The following EIF4E variants were observed in gnomAD, a reference collection of about 807,000 sequenced individuals.
EIF4E encodes eukaryotic translation initiation factor 4E, also known as eIF-4F 25 kDa subunit.
For missense variants in EIF4E, 113 were observed against 265.6 expected, an observed-to-expected ratio of 0.43 and a Z score of 3.99; for synonymous variants, 71 against 88.5, an observed-to-expected ratio of 0.80 and a Z score of 1.11.
intron 2 of EIF4E, among the ~76,000 whole-genome samples, chr4:98,900,654 A>G (rs1018463875): frequency 1.3e-5 from 2 of 152,182 alleles, no homozygotes; most frequent in African/African-American, 4.8e-5. Flanking sequence ...GATTGTTACA[A>G]TGTTTCTGAA....
intron 1 of EIF4E, among the ~76,000 whole-genome samples, chr4:98,920,822 C>T (rs1348643749): frequency 6.6e-6 from 1 of 152,124 alleles, no homozygotes; most frequent in East Asian, 1.9e-4. Context: ...CATCCATAAA[C>T]CATCTGGCAT....
intron 1 of EIF4E, among the ~76,000 whole-genome samples, chr4:98,920,713 T>C (rs1301752107): frequency 6.6e-6 from 1 of 152,146 alleles, no homozygotes; most frequent in Non-Finnish European, 1.5e-5. Context: ...CTAAATACCA[T>C]GATGTATAAA....
chr4:98,927,631 G>A (rs1218466262), intron 1 of EIF4E, among the ~76,000 whole-genome samples: 5 of 121,392 alleles, frequency 4.1e-5, no homozygotes, highest in Admixed American at 1.1e-4. Flanking sequence ...CTCCAGCCTG[G>A]GCGACAAAGC....
intron 1 of EIF4E, among the ~76,000 whole-genome samples, chr4:98,927,840 A>G (rs907207597): frequency 6.6e-6 from 1 of 152,072 alleles, no homozygotes; most frequent in Non-Finnish European, 1.5e-5. Context: ...TGCACACAAG[A>G]TATCTTCACT....
chr4:98,910,550 A>G (rs1461244180), intron 1 of EIF4E, among the ~76,000 whole-genome samples: 1 of 152,204 alleles, frequency 6.6e-6, no homozygotes, highest in Non-Finnish European at 1.5e-5. Flanking sequence ...CTTGATCAAA[A>G]TAAGTAGCAC....
chr4:98,915,305 T>A (rs563496565), intron 1 of EIF4E, among the ~76,000 whole-genome samples: 1 of 151,112 alleles, frequency 6.6e-6, no homozygotes, highest in African/African-American at 2.4e-5. Flanking sequence ...AAGAAGGATA[T>A]GGTTAAAAAA....
In EIF4E at chr4:98,882,269, G is replaced by A. The variant is rs1000535553; in HGVS notation, c.540-1127C>T. ...TAGCCGGGTGTGGTGGCAGGTGCCT[G>A]TAGTCCCAGCAACTCGGGAGGCTGA... On this transcript the variant is annotated intron_variant, in intron 6 of 6. Transcript: ENST00000450253. Among the ~76,000 whole-genome samples the A allele has an allele frequency of 3.9e-5, 6 of 151,952 alleles. No individual in the cohort carries two copies. The East Asian group carries it at 7.7e-4, about 20-fold the overall frequency.
At chr4:98,894,923 T>C (rs890956532) in intron 2 of EIF4E, among the ~76,000 whole-genome samples, 3 of 152,178 alleles carry the variant, frequency 2.0e-5, no homozygotes, top group Non-Finnish European at 4.4e-5. Context: ...CTATAACATG[T>C]AGAGGCCACT....
At chr4:98,922,280 T>G (rs573286058) in intron 1 of EIF4E, among the ~76,000 whole-genome samples, 2 of 152,244 alleles carry the variant, frequency 1.3e-5, no homozygotes, top group East Asian at 1.9e-4. Context: ...TGAGTTAGCC[T>G]GGCGCGGTGG....
intron 6 of EIF4E, among the ~76,000 whole-genome samples, chr4:98,884,403 T>TA (rs1457800457): frequency 6.6e-6 from 1 of 151,870 alleles, no homozygotes; most frequent in Non-Finnish European, 1.5e-5. Flanking sequence ...TTTACAGAAA[T>TA]AAAAAACATA....
Position 98,887,964 on chromosome 4 carries a change from A to G in EIF4E, c.222-12T>C. 6.2e-7 allele frequency: 1 copy of G among 1,608,262 alleles called. No homozygotes were observed. Among genetic ancestry groups the G allele is most frequent in the South Asian group, 1.1e-5 (1 of 90,736 alleles). On this transcript the variant is annotated splice_polypyrimidine_tract_variant and intron_variant, in intron 3 of 6. Transcript: ENST00000450253. The surrounding 1 kb of genome is among the most constrained non-coding windows in gnomAD (Gnocchi z 4.0). ...TATGGTTGTACAGACTAGGTAAAAG[A>G]AAATAACAATTAAAAACACAGAATA...
intron 1 of EIF4E, among the ~76,000 whole-genome samples, chr4:98,921,472 A>G (rs1230434999): frequency 2.0e-5 from 3 of 151,960 alleles, no homozygotes; most frequent in African/African-American, 7.3e-5. Context: ...AGGTTGAAGC[A>G]ATTCTCTTGC....
intron 1 of EIF4E, among the ~76,000 whole-genome samples, chr4:98,922,923 C>T (rs1349038510): frequency 6.6e-6 from 1 of 150,596 alleles, no homozygotes; most frequent in Non-Finnish European, 1.5e-5. Flanking sequence ...CATAGGCTCA[C>T]CGCAACCTCC....
At chr4:98,914,199 T>C (rs1725273145) in intron 1 of EIF4E, among the ~76,000 whole-genome samples, 1 of 150,868 alleles carries the variant, frequency 6.6e-6, no homozygotes, top group East Asian at 1.9e-4. Flanking sequence ...CTACTAAAAA[T>C]ACAAAAATTA....
At chr4:98,886,996 T>C in intron 5 of EIF4E, 83 bp downstream of exon 5, 2 of 1,399,488 alleles carry the variant, frequency 1.4e-6, no homozygotes, top group South Asian at 1.2e-5. Flanking sequence ...TTAAATTAAG[T>C]AACAAATGTA....
intron 3 of EIF4E, 46 bp downstream of exon 3, chr4:98,891,191 C>A (rs1271191009): frequency 6.3e-7 from 1 of 1,595,566 alleles, no homozygotes; most frequent in South Asian, 1.1e-5. Context: ...AAAAAAACTA[C>A]ACAACGAATA....
intron 2 of EIF4E, 90 bp from the exon 3 acceptor site, chr4:98,891,422 C>T: frequency 9.2e-7 from 1 of 1,082,976 alleles, no homozygotes; most frequent in Middle Eastern, 2.9e-4. Context: ...GTAGAAGCAA[C>T]CCACCTGTCC....
intron 1 of EIF4E, among the ~76,000 whole-genome samples, chr4:98,913,565 G>C (rs1033394226): frequency 5.3e-5 from 8 of 151,906 alleles, no homozygotes; most frequent in Admixed American, 1.3e-4. Flanking sequence ...CTCAGCCTTC[G>C]AAGTTGCTAG....
At chr4:98,881,659 A>G (rs998904761) in intron 6 of EIF4E, among the ~76,000 whole-genome samples, 2 of 152,224 alleles carry the variant, frequency 1.3e-5, no homozygotes, top group Admixed American at 1.3e-4. Flanking sequence ...CACAAATTAT[A>G]TTAACCATAC....
Sources: allele counts gnomAD v4.1 joint callset (sites outside exome capture counted in the v4.1 genomes callset), GRCh38; gene constraint gnomAD v4.1.1; non-coding constraint Gnocchi (gnomAD v3.1); transcripts MANE v1.5; gene names NCBI Gene and HGNC (gene_info 2026-07-23, HGNC 2026-07-21).